The following SWT1 variants were observed in gnomAD, a reference collection of about 807,000 sequenced individuals.
SWT1 encodes SWT1 RNA endoribonuclease homolog.
In SWT1, 33 loss-of-function variants were observed where a neutral mutation model predicts 107.3. The observed-to-expected ratio is 0.31, with a 90% confidence interval of 0.23 to 0.41. The LOEUF (loss-of-function observed/expected upper bound fraction) is 0.41, where lower values mean the gene tolerates loss of function less well. Among genes scored for constraint, SWT1 ranks in the 10% least tolerant of loss-of-function variants. The probability of loss-of-function intolerance (pLI) is 1.00; values close to 1 mark genes in which losing one functional copy is unlikely to be tolerated. For missense variants in SWT1, 898 were observed against 1,028.9 expected (o/e 0.87, Z 1.74); for synonymous variants, 345 against 348.3 (o/e 0.99, Z 0.11).
intron 16 of SWT1, among the ~76,000 whole-genome samples, chr1:185,252,183 G>A (rs1208064997): frequency 2.0e-5 from 3 of 152,192 alleles, no homozygotes; most frequent in Middle Eastern, 3.4e-3. Flanking sequence ...GTCTATCATT[G>A]GTGGACATTT....
At chr1:185,184,685 T>G in intron 8 of SWT1, 58 bp from the exon 9 acceptor site, 1 of 1,378,452 alleles carries the variant, frequency 7.3e-7, no homozygotes, top group Non-Finnish European at 1.0e-6. Flanking sequence ...GGACAGCAAT[T>G]CCATTTAGTA....
intron 8 of SWT1, 137 bp downstream of exon 8, chr1:185,184,481 G>A: frequency 1.6e-6 from 1 of 634,470 alleles, no homozygotes; most frequent in Non-Finnish European, 2.7e-6. Flanking sequence ...AGTGTTATAA[G>A]TTTATAAAAG....
At chr1:185,241,638 AC>A (rs1417508648) in intron 16 of SWT1, among the ~76,000 whole-genome samples, 1 of 152,158 alleles carries the variant, frequency 6.6e-6, no homozygotes, top group Non-Finnish European at 1.5e-5. Flanking sequence ...AAACTGTCTT[AC>A]TTTTCTGTAT....
rs1270945378 is a variant in SWT1, at chr1:185,190,661, TG to T, written c.1523+20del. ...TGTGCACGTGAGTTTCATAGTCATTTGACTTTTTATTTTTAAAAAATAAACC... is the reference window on the plus strand; with the variant it reads ...TGTGCACGTGAGTTTCATAGTCATTTACTTTTTATTTTTAAAAAATAAACC... On this transcript the variant is annotated intron_variant, in intron 10 of 18. Transcript: ENST00000367500. 1 of 1,424,394 alleles carries T rather than the reference TG, an allele frequency of 7.0e-7. No individual in the cohort carries two copies. Among genetic ancestry groups the T allele is most frequent in the Non-Finnish European group, 9.8e-7 (1 of 1,021,638 alleles). The allele number at this position is 1,424,394 out of a possible 1,614,324, so 88.2% of individuals were successfully genotyped here.
At chr1:185,200,693 T>C (rs949283687) in intron 10 of SWT1, among the ~76,000 whole-genome samples, 2 of 152,194 alleles carry the variant, frequency 1.3e-5, no homozygotes. Flanking sequence ...TCAACCCCTG[T>C]TGGGAGGTGT....
rs72637299 is a variant in SWT1, at chr1:185,223,385, C to A, written c.2309+1349C>A. ...AGAGATGATATCTCACTATGTTGCC[C>A]AGGTTGGTCTCAAACTCCTGCAAAC... On this transcript the variant is annotated intron_variant, in intron 15 of 18. Coordinates refer to ENST00000367500, the MANE Select transcript of SWT1 (RefSeq NM_017673.7). Among the ~76,000 whole-genome samples, 19 of 152,086 alleles carry A rather than the reference C, an allele frequency of 1.2e-4. No individual in the cohort carries two copies. The East Asian group carries it at 3.7e-3, about 29-fold the overall frequency.
At chr1:185,202,073 T>A (rs540650419) in intron 10 of SWT1, among the ~76,000 whole-genome samples, 9 of 152,156 alleles carry the variant, frequency 5.9e-5, no homozygotes, top group South Asian at 4.2e-4. Context: ...ACAGATACGA[T>A]CATGTCATTT....
intron 13 of SWT1, 77 bp downstream of exon 13, chr1:185,206,840 A>G (rs982465929): frequency 3.8e-5 from 40 of 1,061,342 alleles, no homozygotes; most frequent in Non-Finnish European, 4.8e-5. Context: ...GGATGTGAAG[A>G]TAAATTAATG....
At chr1:185,218,629 AAG>A (rs1371685676) in intron 14 of SWT1, among the ~76,000 whole-genome samples, 3 of 152,168 alleles carry the variant, frequency 2.0e-5, no homozygotes, top group African/African-American at 4.8e-5. Flanking sequence ...ATTTTCATGT[AAG>A]AGGGGAGAAA....
At chr1:185,279,139 C>T (rs573395735) in intron 18 of SWT1, among the ~76,000 whole-genome samples, 95 of 152,262 alleles carry the variant, frequency 6.2e-4, no homozygotes, top group African/African-American at 2.2e-3. Flanking sequence ...ATCAATGAAT[C>T]GGTTTTACTC....
At chr1:185,234,040 G>A (rs553002506) in intron 16 of SWT1, among the ~76,000 whole-genome samples, 12 of 152,214 alleles carry the variant, frequency 7.9e-5, no homozygotes, top group African/African-American at 2.6e-4. Flanking sequence ...CTCTGCGCCC[G>A]GCCTAATTTT....
chr1:185,224,379 A>G (rs1659897262), intron 15 of SWT1, among the ~76,000 whole-genome samples: 1 of 151,524 alleles, frequency 6.6e-6, no homozygotes, highest in Admixed American at 6.6e-5. Context: ...TTTCTTGGTT[A>G]ATTTTTGGTT....
intron 10 of SWT1, among the ~76,000 whole-genome samples, chr1:185,197,296 C>G (rs1657478196): frequency 6.6e-6 from 1 of 152,160 alleles, no homozygotes; most frequent in Non-Finnish European, 1.5e-5. Context: ...AGCAGCCTTG[C>G]ATCCCAGGGA....
intron 5 of SWT1, among the ~76,000 whole-genome samples, chr1:185,175,454 T>C (rs1655464092): frequency 6.6e-6 from 1 of 152,172 alleles, no homozygotes; most frequent in South Asian, 2.1e-4. Flanking sequence ...CTTGAACTCC[T>C]GGGCTGAAGC....
chr1:185,174,309 A>G, intron 4 of SWT1, 63 bp from the exon 5 acceptor site: 2 of 1,307,094 alleles, frequency 1.5e-6, no homozygotes, highest in Non-Finnish European at 2.0e-6. Flanking sequence ...TTCTAACTAA[A>G]ATGATAGAGT....
In SWT1 at chr1:185,179,991, GC is replaced by G. The variant is rs562990115; in HGVS notation, c.967-398del. ...ACTTGAACTCAGGATTTCGAGACCA[GC>G]CTGGGCAACATGACAAAACCCCATC... On this transcript the variant is annotated intron_variant, in intron 5 of 18. Transcript: ENST00000367500. Among the ~76,000 whole-genome samples the G allele has an allele frequency of 7.9e-5, 12 of 152,296 alleles. No homozygotes were observed. The South Asian group carries it at 2.3e-3, about 29-fold the overall frequency.
intron 13 of SWT1, among the ~76,000 whole-genome samples, chr1:185,212,322 G>A (rs1271775855): frequency 6.6e-6 from 1 of 152,104 alleles, no homozygotes; most frequent in Non-Finnish European, 1.5e-5. Flanking sequence ...TGATCTCAAA[G>A]TTAGTGTAAA....
chr1:185,212,375 C>CA (rs955112933), intron 13 of SWT1, among the ~76,000 whole-genome samples: 13 of 152,084 alleles, frequency 8.5e-5, no homozygotes, highest in African/African-American at 2.4e-4. Flanking sequence ...TTTTTCCTGG[C>CA]AGGGGGGTCT....
intron 16 of SWT1, among the ~76,000 whole-genome samples, chr1:185,267,141 T>C (rs1337310640): frequency 6.6e-6 from 1 of 152,204 alleles, no homozygotes; most frequent in Non-Finnish European, 1.5e-5. Context: ...CTTAAAACAT[T>C]GGACTTTGGT....
Sources: gnomAD v4.1 joint callset for allele counts (sites outside exome capture counted in the v4.1 genomes callset) on GRCh38, gnomAD v4.1.1 for gene constraint, MANE v1.5 for transcripts, NCBI Gene and HGNC (gene_info 2026-07-23, HGNC 2026-07-21) for gene names.